Variants in RYR3 observed in about 807,000 individuals in gnomAD.
RYR3 encodes brain ryanodine receptor-calcium release channel.
A neutral mutation model predicts 584.3 loss-of-function variants in RYR3; 207 were observed. The observed-to-expected ratio is 0.35, with a 90% CI of 0.32 to 0.40. RYR3 has a LOEUF of 0.40. Among genes scored for constraint, RYR3 ranks in the 10% least tolerant of loss-of-function variants. The pLI is 1.00. For missense variants in RYR3, 5,616 were observed against 6,089.2 expected, an observed-to-expected ratio of 0.92 and a Z score of 2.59; for synonymous variants, 2,416 against 2,248.5, an observed-to-expected ratio of 1.07 and a Z score of -2.11.
intron 3 of RYR3, among the ~76,000 whole-genome samples, chr15:33,529,358 T>G (rs1051039455): frequency 1.3e-5 from 2 of 152,336 alleles, no homozygotes; most frequent in African/African-American, 4.8e-5. Context: ...GACAGAGTGA[T>G]GCTATTAATC....
chr15:33,343,380 C>G (rs961223893), intron 1 of RYR3, among the ~76,000 whole-genome samples: 1 of 152,168 alleles, frequency 6.6e-6, no homozygotes, highest in African/African-American at 2.4e-5. Flanking sequence ...TACAGTCTAA[C>G]GAACACCTCC....
At position 33,543,619 on chromosome 15, in the gene RYR3, C is replaced by T. The variant is rs769298436; in HGVS notation, c.647-3C>T. 12 of 1,578,272 alleles carry T rather than the reference C, an allele frequency of 7.6e-6. No individual in the cohort carries two copies. In the South Asian group the frequency reaches 1.2e-4, roughly 16 times the overall value. ...TTCACAGTAGAATATAATTCTCTTACAGGATACCTACTTGGTGGGCATGTA... is the reference window on the plus strand; with the variant it reads ...TTCACAGTAGAATATAATTCTCTTATAGGATACCTACTTGGTGGGCATGTA... On this transcript the variant is annotated splice_region_variant and splice_polypyrimidine_tract_variant and intron_variant, in intron 7 of 103. Transcript: ENST00000634891.
At chr15:33,465,504 A>G (rs1384522014) in intron 1 of RYR3, among the ~76,000 whole-genome samples, 2 of 152,170 alleles carry the variant, frequency 1.3e-5, no homozygotes, top group Non-Finnish European at 2.9e-5. Flanking sequence ...GGTAATAGCC[A>G]GTCTAACAGG....
chr15:33,814,900 C>CAAAAAAAA (rs66623531), intron 74 of RYR3, among the ~76,000 whole-genome samples: 8 of 91,790 alleles, frequency 8.7e-5, no homozygotes, highest in Non-Finnish European at 1.4e-4. Context: ...GACTCTGTCT[C>CAAAAAAAA]AAAAAAAAAA....
chr15:33,558,342 C>T (rs574146798), intron 10 of RYR3, among the ~76,000 whole-genome samples: 2 of 134,076 alleles, frequency 1.5e-5, no homozygotes, highest in South Asian at 2.6e-4. Flanking sequence ...TGAGAACATG[C>T]GGTGTTTGGT....
intron 60 of RYR3, among the ~76,000 whole-genome samples, chr15:33,758,550 G>A (rs891478532): frequency 3.3e-5 from 5 of 152,140 alleles, no homozygotes; most frequent in South Asian, 2.1e-4. Flanking sequence ...GGTGTGGAAC[G>A]CACCACAGCA....
At chr15:33,531,698 C>T (rs569287960) in intron 4 of RYR3, among the ~76,000 whole-genome samples, 33 of 151,432 alleles carry the variant, frequency 2.2e-4, no homozygotes, top group African/African-American at 7.5e-4. Flanking sequence ...CCTGAACATT[C>T]GTCTGCTGTA....
Position 33,722,810 on chromosome 15 carries a change from G to C in RYR3, c.6715G>C (p.Gly2239Arg). ...GGCCCTGCGGGGTGAGGGGGGAAAC[G>C]GGCTCTTGGCAGCCATGCAGGGTGC... ...GPALRGEGGNGLLAAMQGAIK... is the reference protein window; with the variant it reads ...GPALRGEGGNRLLAAMQGAIK... Residue 2239 changes from glycine (G) to arginine (R), a missense_variant, in exon 44 of 104, where the codon GGG becomes CGG. This residue lies in a region of RYR3 where 1,280 missense variants were observed against 1,426.2 expected (regional missense o/e 0.90). Transcript: ENST00000634891. The C allele has an allele frequency of 6.2e-7, 1 of 1,613,272 alleles. No homozygotes were observed. The highest frequency in any genetic ancestry group is 8.5e-7 in the Non-Finnish European group (1 of 1,179,608).
rs1026424957 is a variant in RYR3 at position 33,407,411 on chromosome 15, A to G, written c.52-66008A>G. The stretch of plus-strand genomic sequence containing the variant: ...GACCTGATGGAGACGAGAGTGAACC[A>G]TAGATCTGTGGACAGAGTTGCAGGC... On this transcript the variant is annotated intron_variant, in intron 1 of 103. Transcript: ENST00000634891. Among the ~76,000 whole-genome samples the G allele has an allele frequency of 2.6e-4, 39 of 152,220 alleles. 1 individual carries two copies. The highest frequency in any genetic ancestry group is 9.2e-4 in the African/African-American group (38 of 41,456).
intron 32 of RYR3, among the ~76,000 whole-genome samples, chr15:33,658,928 G>A (rs1037442272): frequency 2.0e-4 from 30 of 152,294 alleles, no homozygotes; most frequent in South Asian, 1.7e-3. Flanking sequence ...AGAGGAACCC[G>A]GGGAGAATTA....
At chr15:33,780,793 A>T (rs1427104652) in intron 65 of RYR3, among the ~76,000 whole-genome samples, 1 of 152,200 alleles carries the variant, frequency 6.6e-6, no homozygotes, top group African/African-American at 2.4e-5. Context: ...TTTTGTCCTC[A>T]TGGAAGATAA....
intron 1 of RYR3, among the ~76,000 whole-genome samples, chr15:33,355,099 G>T (rs1201117454): frequency 6.6e-6 from 1 of 150,672 alleles, no homozygotes; most frequent in Non-Finnish European, 1.5e-5. Context: ...CAGGAGAATC[G>T]CTTGAACCTG....
At chr15:33,691,202 G>T (rs1219583717) in intron 38 of RYR3, among the ~76,000 whole-genome samples, 2 of 152,156 alleles carry the variant, frequency 1.3e-5, no homozygotes, top group Non-Finnish European at 2.9e-5. Context: ...CAATTCATTG[G>T]TCTATCTTGC....
chr15:33,854,843 A>T lies in RYR3; in HGVS notation c.13938A>T (p.Leu4646=). Residue 4646 remains leucine (L), a synonymous_variant, in exon 98 of 104, where the codon CTA becomes CTT. Coordinates refer to ENST00000634891, the MANE Select transcript of RYR3 (RefSeq NM_001036.6). ...HYNNFFFAAH[L]LDIAMGFKTL... Reference sequence around the variant, plus strand: ...ATAACTTCTTCTTTGCTGCTCACCTATTGGACATCGCAATGGGCTTCAAGA... The same window carrying T: ...ATAACTTCTTCTTTGCTGCTCACCTTTTGGACATCGCAATGGGCTTCAAGA... 1.2e-6 allele frequency: 2 copies of T among 1,613,806 alleles called. No homozygotes were observed. Among genetic ancestry groups the T allele is most frequent in the Non-Finnish European group, 1.7e-6 (2 of 1,179,844 alleles).
chr15:33,836,725 A>T (rs2078076663), intron 87 of RYR3, among the ~76,000 whole-genome samples, 181 bp from the exon 88 acceptor site: 1 of 152,212 alleles, frequency 6.6e-6, no homozygotes, highest in South Asian at 2.1e-4. Context: ...TGCTACAGTG[A>T]GTCTCCCGGT....
chr15:33,837,671 C>A lies in RYR3; in HGVS notation c.11691C>A (p.Asp3897Glu). Residue 3897 changes from aspartate (D) to glutamate (E), a missense_variant, in exon 89 of 104, where the codon GAC becomes GAA. Around this residue, in one of 9 missense-constraint regions of RYR3, gnomAD observed 13 missense variants for 41.1 expected, o/e 0.32. Coordinates refer to ENST00000634891, the MANE Select transcript of RYR3 (RefSeq NM_001036.6). The stretch of plus-strand genomic sequence containing the variant: ...GCACCATTGGCAAGCAGATGGTTGA[C>A]ACACTGGTAGAATCATCTACCAATG... ...VNGTIGKQMV[D>E]TLVESSTNVE... The A allele has an allele frequency of 6.2e-7, 1 of 1,603,686 alleles. No homozygotes were observed. Among genetic ancestry groups the A allele is most frequent in the African/African-American group, 1.3e-5 (1 of 74,834 alleles).
chr15:33,438,159 G>T (rs1247793478), intron 1 of RYR3, among the ~76,000 whole-genome samples: 1 of 151,622 alleles, frequency 6.6e-6, no homozygotes, highest in African/African-American at 2.4e-5. Flanking sequence ...CTTTTTTTGT[G>T]GTGAGAACAT....
intron 74 of RYR3, 115 bp from the exon 75 acceptor site, chr15:33,816,747 T>G (rs2076833333): frequency 1.6e-6 from 1 of 624,254 alleles, no homozygotes; most frequent in South Asian, 2.1e-5. Flanking sequence ...CCCTGACCAA[T>G]CAGAAGACAA....
intron 2 of RYR3, among the ~76,000 whole-genome samples, chr15:33,503,264 TC>T (rs1274982503): frequency 6.6e-6 from 1 of 152,218 alleles, no homozygotes; most frequent in Non-Finnish European, 1.5e-5. Context: ...TTACAGATTA[TC>T]GTGGATGAAA....
Sources: allele counts gnomAD v4.1 joint callset (sites outside exome capture counted in the v4.1 genomes callset), GRCh38; gene constraint gnomAD v4.1.1; regional missense constraint gnomAD v4.1.1; transcripts MANE v1.5; gene names NCBI Gene and HGNC (gene_info 2026-07-23, HGNC 2026-07-21).